KLF15: variants seen among roughly 807,000 people sequenced by gnomAD.
The protein encoded by KLF15 is Krueppel-like factor 15.
A neutral mutation model predicts 24.6 loss-of-function variants in KLF15; 4 were observed. That is an observed-to-expected ratio of 0.16 (90% CI 0.08 to 0.37). KLF15 has a LOEUF of 0.37. Ranked by LOEUF, KLF15 falls within the 10% of genes least tolerant of loss-of-function variation. The pLI, the probability that KLF15 is intolerant of heterozygous loss-of-function variation, is 1.00. For missense variants in KLF15, 496 were observed against 560.6 expected, an observed-to-expected ratio of 0.88 and a Z score of 1.16; for synonymous variants, 246 against 236.3, an observed-to-expected ratio of 1.04 and a Z score of -0.37.
At chr3:126,357,035 G>T (rs1576591791) in intron 1 of KLF15, among the ~76,000 whole-genome samples, 1 of 151,544 alleles carries the variant, frequency 6.6e-6, no homozygotes, top group African/African-American at 2.4e-5. Context: ...ACCGGGGCGG[G>T]GGGGGTCACC....
At chr3:126,316,849 C>G in the KLF15 span, among the ~76,000 whole-genome samples, 1 of 152,080 alleles carries the variant, frequency 6.6e-6, no homozygotes, top group Admixed American at 6.5e-5. Flanking sequence ...CCTGGGGCAG[C>G]AGGGGCTGAG....
chr3:126,301,247 A>C, the KLF15 span, among the ~76,000 whole-genome samples: 11 of 131,604 alleles, frequency 8.4e-5, no homozygotes, highest in African/African-American at 2.8e-4. Context: ...AGGTTTTGAC[A>C]CTGAGAGCAA....
chr3:126,319,127 C>T, the KLF15 span, among the ~76,000 whole-genome samples: 2 of 152,140 alleles, frequency 1.3e-5, no homozygotes, highest in African/African-American at 2.4e-5. Flanking sequence ...CTTGATAGCT[C>T]ATTTCTTTTT....
the KLF15 span, among the ~76,000 whole-genome samples, chr3:126,328,588 C>T: frequency 6.6e-6 from 1 of 152,156 alleles, no homozygotes; most frequent in African/African-American, 2.4e-5. Flanking sequence ...TCCAAGCCAA[C>T]ATCTACTGTT....
At chr3:126,306,316 A>T in the KLF15 span, among the ~76,000 whole-genome samples, 1 of 152,218 alleles carries the variant, frequency 6.6e-6, no homozygotes, top group African/African-American at 2.4e-5. Context: ...AAAAGAAAAG[A>T]AGCCTAAGGA....
At chr3:126,298,607 A>C in the KLF15 span, among the ~76,000 whole-genome samples, 4 of 152,244 alleles carry the variant, frequency 2.6e-5, no homozygotes, top group East Asian at 7.7e-4. Flanking sequence ...TTCGGTTCTT[A>C]GATTTAAGGC....
At chr3:126,348,888 T>A (rs1024803894) in intron 2 of KLF15, among the ~76,000 whole-genome samples, 16 of 152,140 alleles carry the variant, frequency 1.1e-4, no homozygotes, top group Admixed American at 7.2e-4. Flanking sequence ...GAGCTCCCCA[T>A]GGCAGGAAGT....
At chr3:126,326,985 C>T in the KLF15 span, among the ~76,000 whole-genome samples, 2 of 152,156 alleles carry the variant, frequency 1.3e-5, no homozygotes, top group Non-Finnish European at 2.9e-5. Context: ...CGACACATCA[C>T]ATAGCCAGGG....
Position 126,351,895 on chromosome 3 carries a change from C to T in KLF15, c.1028G>A (p.Arg343His), listed in dbSNP as rs749371012. The change falls in exon 2 of 3, where the codon CGC becomes CAC. Residue 343 changes from arginine (R) to histidine (H), a missense_variant. Around this residue, in one of 3 missense-constraint regions of KLF15, gnomAD observed 59 missense variants for 106.1 expected, o/e 0.56. Coordinates refer to ENST00000296233, the MANE Select transcript of KLF15 (RefSeq NM_014079.4). ...TKSSHLKAHLRRHTGEKPFAC... is the reference protein window; with the variant it reads ...TKSSHLKAHLHRHTGEKPFAC... ...GAAGGGCTTCTCACCCGTGTGCCGG[C>T]GCAGGTGGGCCTTGAGGTGGCTGCT... 6.8e-6 allele frequency: 11 copies of T among 1,613,968 alleles called. No homozygotes were observed. Among genetic ancestry groups the T allele is most frequent in the African/African-American group, 2.7e-5 (2 of 74,948 alleles).
the KLF15 span, among the ~76,000 whole-genome samples, chr3:126,298,594 G>T: frequency 6.6e-6 from 1 of 152,022 alleles, no homozygotes. Context: ...GAATCTTTAT[G>T]GTTTCGGTTC....
chr3:126,347,166 TG>T (rs1369462346), intron 2 of KLF15, among the ~76,000 whole-genome samples: 1 of 152,176 alleles, frequency 6.6e-6, no homozygotes, highest in Non-Finnish European at 1.5e-5. Flanking sequence ...ATGTCAGGGC[TG>T]GTGCATACAG....
In KLF15 at chr3:126,351,899, G is replaced by A. The variant is rs1444280311; in HGVS notation, c.1024C>T (p.Leu342=). The A allele has an allele frequency of 1.9e-6, 3 of 1,614,030 alleles. No homozygotes were observed. In the Admixed American group the frequency reaches 5.0e-5, roughly 27 times the overall value. ...GGCTTCTCACCCGTGTGCCGGCGCAGGTGGGCCTTGAGGTGGCTGCTTTTG... is the reference window on the plus strand; with the variant it reads ...GGCTTCTCACCCGTGTGCCGGCGCAAGTGGGCCTTGAGGTGGCTGCTTTTG... ...YTKSSHLKAH[L]RRHTGEKPFA... is the part of the protein sequence containing the mutation. The change falls in exon 2 of 3, where the codon CTG becomes TTG. Residue 342 remains leucine, a synonymous_variant. Coordinates refer to ENST00000296233, the MANE Select transcript of KLF15 (RefSeq NM_014079.4).
chr3:126,290,393 G>C, the KLF15 span, among the ~76,000 whole-genome samples: 1 of 152,158 alleles, frequency 6.6e-6, no homozygotes, highest in Non-Finnish European at 1.5e-5. Context: ...GAGGGGGTCT[G>C]TCTGTCCCTG....
At chr3:126,329,377 A>C in the KLF15 span, among the ~76,000 whole-genome samples, 1 of 152,168 alleles carries the variant, frequency 6.6e-6, no homozygotes, top group African/African-American at 2.4e-5. Flanking sequence ...CCAGCTACTC[A>C]GGAAGCTGAG....
the KLF15 span, among the ~76,000 whole-genome samples, chr3:126,292,180 A>G: frequency 6.6e-6 from 1 of 152,178 alleles, no homozygotes; most frequent in Non-Finnish European, 1.5e-5. Flanking sequence ...GGCCAGGTAC[A>G]GACTGGCTCC....
chr3:126,295,045 C>T, the KLF15 span, among the ~76,000 whole-genome samples: 2 of 152,178 alleles, frequency 1.3e-5, no homozygotes, highest in African/African-American at 2.4e-5. Context: ...TATACATGCA[C>T]ATGCATGCAC....
chr3:126,328,643 G>T, the KLF15 span, among the ~76,000 whole-genome samples: 5 of 152,036 alleles, frequency 3.3e-5, no homozygotes, highest in African/African-American at 1.2e-4. Context: ...AAGTTTTGAT[G>T]AAGTTTGCCA....
At chr3:126,297,555 CCAAA>C in the KLF15 span, among the ~76,000 whole-genome samples, 4 of 152,030 alleles carry the variant, frequency 2.6e-5, no homozygotes, top group African/African-American at 4.8e-5. Context: ...AACCCATCAC[CCAAA>C]CAGTGTGCAC....
At chr3:126,351,814 C>A (rs1423585105) in intron 2 of KLF15, 27 bp downstream of exon 2, 1 of 1,599,454 alleles carries the variant, frequency 6.3e-7, no homozygotes, top group South Asian at 1.1e-5. Context: ...GTGCTCACTG[C>A]CCAGGCCTGT....
Sources: gnomAD v4.1 joint callset for allele counts (sites outside exome capture counted in the v4.1 genomes callset) on GRCh38, gnomAD v4.1.1 for gene constraint, gnomAD v4.1.1 regional missense constraint, MANE v1.5 for transcripts, NCBI Gene and HGNC (gene_info 2026-07-23, HGNC 2026-07-21) for gene names.